The following DLC1 variants were observed in gnomAD, a reference collection of about 807,000 sequenced individuals.
DLC1 encodes the protein DLC1 Rho GTPase activating protein.
DLC1 carries 54 observed loss-of-function variants against 140.3 expected under a neutral mutation model. The ratio of observed to expected loss-of-function variants is 0.38; its 90% CI spans 0.31 to 0.48. The LOEUF is 0.48. Among genes scored for constraint, DLC1 ranks in the 20% least tolerant of loss-of-function variants. DLC1 has a pLI of 0.96. For missense variants in DLC1, 2,536 were observed against 1,907.0 expected (o/e 1.33, Z -6.14); for synonymous variants, 986 against 728.1 (o/e 1.35, Z -5.70).
upstream of DLC1, chr8:13,515,719 T>G (rs574402715): frequency 6.6e-6 from 1 of 152,328 alleles, no homozygotes; most frequent in Admixed American, 6.5e-5. Context: ...TGCTCCAGGT[T>G]GGGAATTTGG....
chr8:13,562,304 T>G lies in DLC1; in HGVS notation c.-126+42233A>C, dbSNP rs117618305. 7.3e-3 allele frequency among the ~76,000 whole-genome samples: 1,108 copies of G among 152,224 alleles called. 10 individuals are homozygous for G. Among genetic ancestry groups the G allele is most frequent in the South Asian group, 0.024 (117 of 4,822 alleles). On this transcript the variant is annotated intron_variant, in intron 1 of 1. Coordinates refer to the DLC1 transcript ENST00000631382. ...GACAAATAGACAAACTGAGAAGAGC[T>G]ATTTGGAACCAAGTCACAGACAAAT...
intron 5 of DLC1, among the ~76,000 whole-genome samples, chr8:13,143,840 G>GAGAGAGAGAGAGAGAGAGACAT (rs1554584099): frequency 6.9e-6 from 1 of 145,492 alleles, no homozygotes; most frequent in Non-Finnish European, 1.5e-5. Context: ...GAGAGAGAGA[G>GAGAGAGAGAGAGAGAGAGACAT]AGAGAGAGAG....
rs994012633 is a variant in DLC1 at position 13,300,413 on chromosome 8, T to G, written c.1348+4856A>C. 4.6e-5 allele frequency among the ~76,000 whole-genome samples: 7 copies of G among 152,152 alleles called. No homozygotes were observed. In the East Asian group the frequency reaches 1.2e-3, roughly 25 times the overall value. On this transcript the variant is annotated intron_variant, in intron 5 of 17. Transcript: ENST00000276297. ...ACCTACGTAACAAATTTGCACATCC[T>G]GCACATGTATCGCAGAACATCATAA...
intron 5 of DLC1, among the ~76,000 whole-genome samples, chr8:13,163,495 A>C (rs1384204535): frequency 6.6e-6 from 1 of 152,144 alleles, no homozygotes; most frequent in Non-Finnish European, 1.5e-5. Context: ...GAATTTAGGC[A>C]GCTCAACGAA....
intron 5 of DLC1, chr8:13,276,507 G>A (rs889644661): frequency 2.2e-5 from 29 of 1,307,760 alleles, no homozygotes; most frequent in Non-Finnish European, 2.8e-5. Flanking sequence ...TCAGGAGGCC[G>A]GCATTGCGGC....
At chr8:13,551,214 TC>T (rs1803837099) in intron 1 of DLC1, among the ~76,000 whole-genome samples, 5 of 151,974 alleles carry the variant, frequency 3.3e-5, no homozygotes, top group African/African-American at 1.2e-4. Context: ...CACAGAAAAG[TC>T]AGTTGTAGTC....
intron 5 of DLC1, among the ~76,000 whole-genome samples, chr8:13,169,614 T>A (rs7817918): frequency 0.56 from 85,540 of 151,950 alleles, 24,514 homozygotes; most frequent in East Asian, 0.85. Flanking sequence ...GTCTTAATCT[T>A]TGGAAACTCA....
At chr8:13,170,623 G>A (rs10093898) in intron 5 of DLC1, among the ~76,000 whole-genome samples, 79,289 of 150,746 alleles carry the variant, frequency 0.53, 21,382 homozygotes, top group East Asian at 0.84. Flanking sequence ...CCAGCTAGTC[G>A]GGAGGCTGAG....
At chr8:13,172,896 T>C (rs933099656) in intron 5 of DLC1, among the ~76,000 whole-genome samples, 1 of 152,212 alleles carries the variant, frequency 6.6e-6, no homozygotes, top group African/African-American at 2.4e-5. Flanking sequence ...TTCTGCTGCG[T>C]CTCCATCTTT....
chr8:13,154,857 G>A (rs576840833), intron 5 of DLC1, among the ~76,000 whole-genome samples: 2 of 152,260 alleles, frequency 1.3e-5, no homozygotes, highest in South Asian at 4.1e-4. Flanking sequence ...AGAAATAAGC[G>A]CTATTAAAAT....
chr8:13,269,701 C>CAAAAAAAAAAAAAAAAAAAAAAAAA (rs57030004), intron 5 of DLC1, among the ~76,000 whole-genome samples: 1 of 99,478 alleles, frequency 1.0e-5, no homozygotes, highest in Non-Finnish European at 2.0e-5. Context: ...AAAACTCTGT[C>CAAAAAAAAAAAAAAAAAAAAAAAAA]AAAAAAAAAA....
At chr8:13,251,326 C>T (rs1259000422) in intron 5 of DLC1, among the ~76,000 whole-genome samples, 4 of 152,100 alleles carry the variant, frequency 2.6e-5, no homozygotes, top group Non-Finnish European at 4.4e-5. Flanking sequence ...TGGGAAATTA[C>T]AATTCAGCCC....
chr8:13,391,222 G>A (rs1336694798), intron 4 of DLC1, among the ~76,000 whole-genome samples: 2 of 152,106 alleles, frequency 1.3e-5, no homozygotes, highest in African/African-American at 4.8e-5. Context: ...TTATTTTGCA[G>A]TGTTTGGTGG....
chr8:13,568,465 G>A (rs527971979), intron 1 of DLC1, among the ~76,000 whole-genome samples: 25 of 152,166 alleles, frequency 1.6e-4, no homozygotes, highest in Non-Finnish European at 2.5e-4. Context: ...TTGTTTTTGC[G>A]CTTCAGAGGA....
chr8:13,255,128 C>T (rs182691161), intron 5 of DLC1, among the ~76,000 whole-genome samples: 8 of 152,184 alleles, frequency 5.3e-5, no homozygotes, highest in Non-Finnish European at 8.8e-5. Flanking sequence ...AGGTGCGTGC[C>T]ACCACGCCCA....
intron 2 of DLC1, among the ~76,000 whole-genome samples, chr8:13,460,712 G>T (rs1366177709): frequency 6.6e-6 from 1 of 152,234 alleles, no homozygotes; most frequent in African/African-American, 2.4e-5. Context: ...CCTGATGGCA[G>T]ACTCCTGCCT....
chr8:13,359,573 A>C (rs1472230579), intron 4 of DLC1, among the ~76,000 whole-genome samples: 1 of 152,152 alleles, frequency 6.6e-6, no homozygotes. Flanking sequence ...ATTGGAAAGG[A>C]AACTCCACAA....
intron 4 of DLC1, among the ~76,000 whole-genome samples, chr8:13,372,724 AATAGTT>A (rs1254204635): frequency 6.6e-6 from 1 of 152,192 alleles, no homozygotes; most frequent in Non-Finnish European, 1.5e-5. Flanking sequence ...TTTAAAAAGA[AATAGTT>A]ATATTAACTC....
intron 1 of DLC1, among the ~76,000 whole-genome samples, chr8:13,601,165 G>C (rs540730702): frequency 2.6e-5 from 4 of 151,616 alleles, no homozygotes; most frequent in African/African-American, 9.7e-5. Context: ...CTCAGTCTGC[G>C]GTGTCAAGGA....
Sources: gnomAD v4.1 joint callset for allele counts (sites outside exome capture counted in the v4.1 genomes callset) on GRCh38, gnomAD v4.1.1 for gene constraint, MANE v1.5 for transcripts, NCBI Gene and HGNC (gene_info 2026-07-23, HGNC 2026-07-21) for gene names.